The following CCDC102B variants were observed in gnomAD, a reference collection of about 807,000 sequenced individuals.
The protein encoded by CCDC102B is coiled-coil domain containing 102B.
In CCDC102B, 75 loss-of-function variants were observed where a neutral mutation model predicts 57.4. The ratio of observed to expected loss-of-function variants is 1.31; its 90% CI spans 1.08 to 1.58. The LOEUF is 1.58. Among genes scored for constraint, CCDC102B ranks in the 40% most tolerant of loss-of-function variants. CCDC102B has a pLI of 0.00. For missense variants in CCDC102B, 636 were observed against 582.6 expected (o/e 1.09, Z -0.94); for synonymous variants, 206 against 201.9 (o/e 1.02, Z -0.17).
chr18:68,829,085 CCAGAAA>C (rs2037035527), intron 1 of CCDC102B, among the ~76,000 whole-genome samples: 1 of 151,872 alleles, frequency 6.6e-6, no homozygotes, highest in Non-Finnish European at 1.5e-5. Flanking sequence ...TTTGGATTCA[CCAGAAA>C]TTTTGCAATT....
chr18:68,957,891 A>G (rs1201478112), intron 6 of CCDC102B, among the ~76,000 whole-genome samples: 1 of 151,922 alleles, frequency 6.6e-6, no homozygotes, highest in Non-Finnish European at 1.5e-5. Flanking sequence ...TACCTTCTAC[A>G]TTTCTTTTTC....
chr18:68,883,728 T>G (rs1055135588), intron 5 of CCDC102B, among the ~76,000 whole-genome samples: 1 of 152,226 alleles, frequency 6.6e-6, no homozygotes, highest in Non-Finnish European at 1.5e-5. Flanking sequence ...ACTCTTAATA[T>G]GCTTTAGTTG....
intron 2 of CCDC102B, among the ~76,000 whole-genome samples, chr18:68,784,002 T>C (rs2035098370): frequency 6.6e-6 from 1 of 152,220 alleles, no homozygotes; most frequent in Non-Finnish European, 1.5e-5. Context: ...TTTTCAATCA[T>C]GACATTTTTC....
intron 7 of CCDC102B, among the ~76,000 whole-genome samples, chr18:69,031,700 G>A (rs2052150536): frequency 1.3e-5 from 2 of 151,968 alleles, no homozygotes; most frequent in East Asian, 3.9e-4. Context: ...TTCTATGAAG[G>A]TTTCACTCCC....
chr18:68,802,154 G>C (rs989946880), intron 1 of CCDC102B, among the ~76,000 whole-genome samples: 1 of 152,080 alleles, frequency 6.6e-6, no homozygotes, highest in African/African-American at 2.4e-5. Flanking sequence ...TCCTAATTTG[G>C]AGCTAGAATA....
intron 1 of CCDC102B, among the ~76,000 whole-genome samples, chr18:68,822,997 C>T (rs1466228877): frequency 6.6e-6 from 1 of 152,110 alleles, no homozygotes; most frequent in Non-Finnish European, 1.5e-5. Context: ...CCCACACTCC[C>T]CTGTAGCACA....
At chr18:68,793,030 A>T (rs543521075) in intron 2 of CCDC102B, among the ~76,000 whole-genome samples, 11 of 152,200 alleles carry the variant, frequency 7.2e-5, no homozygotes, top group Non-Finnish European at 1.5e-4. Flanking sequence ...GTATCTGGGC[A>T]CACACAGGTT....
At chr18:68,730,712 A>T (rs1037194426) in intron 2 of CCDC102B, among the ~76,000 whole-genome samples, 2 of 152,202 alleles carry the variant, frequency 1.3e-5, no homozygotes, top group African/African-American at 4.8e-5. Flanking sequence ...GTAATAGTAG[A>T]TTGGTTATGG....
At chr18:68,753,656 A>G (rs1191965930) in intron 2 of CCDC102B, 1 of 151,718 alleles carries the variant, frequency 6.6e-6, no homozygotes, top group Non-Finnish European at 1.5e-5. Context: ...GACTCATGCG[A>G]TCCTCCCACT....
chr18:68,940,327 C>T (rs980508230), intron 6 of CCDC102B, among the ~76,000 whole-genome samples: 4 of 151,750 alleles, frequency 2.6e-5, no homozygotes, highest in East Asian at 1.9e-4. Context: ...GTCTTGATTT[C>T]GAAATTTATT....
intron 5 of CCDC102B, 33 bp from the exon 6 acceptor site, chr18:68,897,186 T>C (rs981339113): frequency 1.9e-6 from 3 of 1,568,266 alleles, no homozygotes; most frequent in Non-Finnish European, 2.6e-6. Context: ...TTGCAAATGC[T>C]GCATGCTGCT....
intron 6 of CCDC102B, among the ~76,000 whole-genome samples, chr18:68,983,264 C>A (rs1318313990): frequency 5.3e-5 from 8 of 151,758 alleles, no homozygotes; most frequent in African/African-American, 1.9e-4. Flanking sequence ...CTCTCATAAT[C>A]CTTATCTACA....
chr18:69,003,690 T>C (rs2051265566), intron 6 of CCDC102B, among the ~76,000 whole-genome samples: 1 of 152,256 alleles, frequency 6.6e-6, no homozygotes, highest in Admixed American at 6.5e-5. Flanking sequence ...TCTCGTATCA[T>C]GAAGCAATGT....
chr18:68,925,346 G>A (rs939763491), intron 6 of CCDC102B, among the ~76,000 whole-genome samples: 1 of 151,880 alleles, frequency 6.6e-6, no homozygotes, highest in Non-Finnish European at 1.5e-5. Context: ...CTTTTTTGGT[G>A]ACTCCTGTTT....
At chr18:68,905,173 AAG>A (rs1408921128) in intron 6 of CCDC102B, among the ~76,000 whole-genome samples, 1 of 151,262 alleles carries the variant, frequency 6.6e-6, no homozygotes, top group African/African-American at 2.4e-5. Flanking sequence ...AATTAAAACA[AAG>A]ATGCAAAATT....
At chr18:69,045,245 T>G (rs191741373) in intron 7 of CCDC102B, among the ~76,000 whole-genome samples, 2 of 152,172 alleles carry the variant, frequency 1.3e-5, no homozygotes, top group African/African-American at 4.8e-5. Context: ...TCATGAAGCA[T>G]TCAATATATC....
chr18:68,787,837 G>A (rs1056830080), intron 2 of CCDC102B, among the ~76,000 whole-genome samples: 2 of 151,964 alleles, frequency 1.3e-5, no homozygotes, highest in Non-Finnish European at 2.9e-5. Context: ...CTTCAGTTCT[G>A]TTCTGATTTT....
intron 6 of CCDC102B, among the ~76,000 whole-genome samples, chr18:68,976,808 CT>C (rs1302022279): frequency 6.6e-6 from 1 of 151,486 alleles, no homozygotes; most frequent in African/African-American, 2.4e-5. Flanking sequence ...TTTCCTTGGC[CT>C]TTTTTTTACA....
chr18:68,851,867 G>A (rs939314047), intron 4 of CCDC102B, among the ~76,000 whole-genome samples: 6 of 152,162 alleles, frequency 3.9e-5, no homozygotes, highest in African/African-American at 1.4e-4. Context: ...ACCGTGGGGA[G>A]CATTCATTCT....
Sources: gnomAD v4.1 joint callset for allele counts (sites outside exome capture counted in the v4.1 genomes callset) on GRCh38, gnomAD v4.1.1 for gene constraint, MANE v1.5 for transcripts, NCBI Gene and HGNC (gene_info 2026-07-23, HGNC 2026-07-21) for gene names.